The following SLC24A2 variants were observed in gnomAD, a reference collection of about 807,000 sequenced individuals.
The protein encoded by SLC24A2 is sodium/potassium/calcium exchanger 2.
In SLC24A2, 36 loss-of-function variants were observed where a neutral mutation model predicts 62.0. The observed-to-expected ratio is 0.58, with a 90% CI of 0.44 to 0.77. The LOEUF is 0.77. Ranked by LOEUF, SLC24A2 falls within the 30% of genes least tolerant of loss-of-function variation. The pLI is 0.00. For missense variants in SLC24A2, 846 were observed against 817.9 expected, an observed-to-expected ratio of 1.03 and a Z score of -0.42; for synonymous variants, 358 against 294.0, an observed-to-expected ratio of 1.22 and a Z score of -2.23.
At chr9:20,060,857 A>G in the SLC24A2 span, among the ~76,000 whole-genome samples, 1 of 152,206 alleles carries the variant, frequency 6.6e-6, no homozygotes, top group African/African-American at 2.4e-5. Flanking sequence ...TTGCAAGATC[A>G]ATATGCAAAA....
At chr9:20,240,757 G>T in the SLC24A2 span, among the ~76,000 whole-genome samples, 11 of 152,240 alleles carry the variant, frequency 7.2e-5, no homozygotes, top group African/African-American at 2.6e-4. Context: ...GAGCAAAGGG[G>T]AGGAAAATTC....
At chr9:20,155,814 G>C in the SLC24A2 span, among the ~76,000 whole-genome samples, 1 of 151,660 alleles carries the variant, frequency 6.6e-6, no homozygotes, top group Non-Finnish European at 1.5e-5. Flanking sequence ...TTTCTGAATA[G>C]TATTTGAAAT....
chr9:20,168,601 A>C, the SLC24A2 span, among the ~76,000 whole-genome samples: 14 of 152,024 alleles, frequency 9.2e-5, no homozygotes, highest in Admixed American at 9.2e-4. Flanking sequence ...ACATGAAAAG[A>C]TGCTTCATAT....
the SLC24A2 span, among the ~76,000 whole-genome samples, chr9:20,074,249 T>C: frequency 3.3e-5 from 5 of 152,082 alleles, no homozygotes; most frequent in South Asian, 2.1e-4. Context: ...TCACAAATGA[T>C]AGCGTTTTTC....
the SLC24A2 span, among the ~76,000 whole-genome samples, chr9:20,050,663 T>C: frequency 6.6e-6 from 1 of 152,196 alleles, no homozygotes; most frequent in Admixed American, 6.5e-5. Flanking sequence ...CTCTATTTGA[T>C]AGGTGAAGAA....
the SLC24A2 span, among the ~76,000 whole-genome samples, chr9:20,006,842 T>C: frequency 6.6e-6 from 1 of 152,180 alleles, no homozygotes; most frequent in Non-Finnish European, 1.5e-5. Flanking sequence ...CCTGTGTAAG[T>C]TGCTTAAGTT....
chr9:19,802,294 T>C, the SLC24A2 span, among the ~76,000 whole-genome samples: 1 of 152,238 alleles, frequency 6.6e-6, no homozygotes, highest in South Asian at 2.1e-4. Context: ...ATAGTTCCTA[T>C]TGCATCTGAA....
the SLC24A2 span, among the ~76,000 whole-genome samples, chr9:20,123,263 C>A: frequency 6.6e-6 from 1 of 152,080 alleles, no homozygotes; most frequent in African/African-American, 2.4e-5. Flanking sequence ...AAGGCTTTAC[C>A]TTCATGATAT....
chr9:19,555,308 G>T (rs1327309726), intron 7 of SLC24A2, among the ~76,000 whole-genome samples: 2 of 152,164 alleles, frequency 1.3e-5, no homozygotes, highest in Non-Finnish European at 2.9e-5. Flanking sequence ...ACTAAGAAAA[G>T]TCAGACCTCT....
the SLC24A2 span, among the ~76,000 whole-genome samples, chr9:20,059,299 G>C: frequency 0.032 from 4,811 of 152,156 alleles, 264 homozygotes; most frequent in African/African-American, 0.11. Context: ...AAACCAGCTA[G>C]ACTTAACAGA....
At chr9:19,676,688 A>C (rs1819571420) in intron 2 of SLC24A2, among the ~76,000 whole-genome samples, 1 of 152,204 alleles carries the variant, frequency 6.6e-6, no homozygotes, top group African/African-American at 2.4e-5. Context: ...GATGTTTACT[A>C]TCTGGCAATC....
chr9:19,857,659 A>G, the SLC24A2 span, among the ~76,000 whole-genome samples: 1 of 152,010 alleles, frequency 6.6e-6, no homozygotes, highest in Non-Finnish European at 1.5e-5. Flanking sequence ...TAATTTTCAG[A>G]TTGTTGCTAG....
At chr9:20,265,693 G>A in the SLC24A2 span, among the ~76,000 whole-genome samples, 2 of 152,168 alleles carry the variant, frequency 1.3e-5, no homozygotes, top group Non-Finnish European at 2.9e-5. Context: ...AAAAAGAACA[G>A]GGTAACAGCA....
intron 2 of SLC24A2, among the ~76,000 whole-genome samples, chr9:19,739,163 G>A (rs1417139361): frequency 1.3e-5 from 2 of 152,098 alleles, no homozygotes; most frequent in Non-Finnish European, 2.9e-5. Context: ...TCAAAAATGT[G>A]CATGACTGCT....
chr9:19,567,593 C>T (rs1411955426), intron 7 of SLC24A2, among the ~76,000 whole-genome samples: 1 of 147,104 alleles, frequency 6.8e-6, no homozygotes, highest in Non-Finnish European at 1.5e-5. Context: ...ATAATTTTAT[C>T]TTTCCTTTTT....
chr9:19,672,666 A>T (rs1819453168), intron 2 of SLC24A2, among the ~76,000 whole-genome samples: 2 of 146,320 alleles, frequency 1.4e-5, no homozygotes, highest in South Asian at 4.3e-4. Flanking sequence ...TGATGTAGGC[A>T]TTTAAGGCTG....
In SLC24A2 at chr9:19,625,478, C is replaced by T. The variant is rs550601315; in HGVS notation, c.931-3179G>A. Among the ~76,000 whole-genome samples the T allele has an allele frequency of 2.6e-4, 39 of 152,206 alleles. No individual in the cohort carries two copies. In the Middle Eastern group the frequency reaches 0.01, roughly 40 times the overall value. On this transcript the variant is annotated intron_variant, in intron 2 of 10. Coordinates refer to ENST00000341998, the MANE Select transcript of SLC24A2 (RefSeq NM_020344.4). ...GGGCTTTGGTGTGCCAACGCAGACTCCCCTCACCATTTATAACAGCAAGAC... is the reference window on the plus strand; with the variant it reads ...GGGCTTTGGTGTGCCAACGCAGACTTCCCTCACCATTTATAACAGCAAGAC...
chr9:20,296,634 C>T, the SLC24A2 span, among the ~76,000 whole-genome samples: 3 of 152,174 alleles, frequency 2.0e-5, no homozygotes, highest in Non-Finnish European at 4.4e-5. Context: ...TCTTGAAGTC[C>T]CAATTCTTCG....
At chr9:20,080,096 T>C in the SLC24A2 span, among the ~76,000 whole-genome samples, 1 of 152,178 alleles carries the variant, frequency 6.6e-6, no homozygotes, top group Non-Finnish European at 1.5e-5. Context: ...AAGCTACCAA[T>C]GACTTTCTTC....
Sources: gnomAD v4.1 joint callset for allele counts (sites outside exome capture counted in the v4.1 genomes callset) on GRCh38, gnomAD v4.1.1 for gene constraint, MANE v1.5 for transcripts, NCBI Gene and HGNC (gene_info 2026-07-23, HGNC 2026-07-21) for gene names.